Variants in ZHX1 observed in about 807,000 individuals in gnomAD.
ZHX1 encodes zinc fingers and homeoboxes 1, also known as zinc fingers and homeoboxes protein 1.
In ZHX1, 20 loss-of-function variants were observed where a neutral mutation model predicts 61.8. The ratio of observed to expected loss-of-function variants is 0.32; its 90% CI spans 0.23 to 0.47. The LOEUF is 0.47. ZHX1 is among the 20% of genes least tolerant of loss of function. The pLI is 1.00. For missense variants in ZHX1, 800 were observed against 1,034.8 expected (o/e 0.77, Z 3.11); for synonymous variants, 318 against 352.6 (o/e 0.90, Z 1.10).
At chr8:123,256,726 T>C (rs1333519532) in intron 2 of ZHX1, among the ~76,000 whole-genome samples, 1 of 148,928 alleles carries the variant, frequency 6.7e-6, no homozygotes, top group Non-Finnish European at 1.5e-5. Context: ...ATCATGCCAC[T>C]ACATTCCAAC....
At chr8:123,272,760 A>C (rs1395535912) in intron 1 of ZHX1, among the ~76,000 whole-genome samples, 1 of 151,950 alleles carries the variant, frequency 6.6e-6, no homozygotes, top group African/African-American at 2.4e-5. Context: ...ACACACACAC[A>C]CCCCAAACCA....
intron 3 of ZHX1, among the ~76,000 whole-genome samples, chr8:123,250,569 G>A (rs1825890481): frequency 6.6e-6 from 1 of 152,074 alleles, no homozygotes; most frequent in African/African-American, 2.4e-5. Context: ...TATGAGCAGG[G>A]AGTATATATT....
chr8:123,261,742 T>C (rs909225977), intron 2 of ZHX1, among the ~76,000 whole-genome samples: 5 of 152,200 alleles, frequency 3.3e-5, no homozygotes, highest in African/African-American at 9.7e-5. Flanking sequence ...AGGTGCCTAA[T>C]TGATGCTATT....
Position 123,254,002 on chromosome 8 carries a change from G to T in ZHX1, c.1945C>A (p.Pro649Thr). 6.2e-7 allele frequency: 1 copy of T among 1,614,070 alleles called. No individual in the cohort carries two copies. The highest frequency in any genetic ancestry group is 8.5e-7 in the Non-Finnish European group (1 of 1,179,964). ...SSKEEAGETS[P>T]ADESGAPKSG... is the part of the protein sequence containing the mutation. ...TTAGGTGCACCAGATTCATCTGCAGGAGAAGTTTCTCCAGCTTCTTCTTTG... is the reference window on the plus strand; with the variant it reads ...TTAGGTGCACCAGATTCATCTGCAGTAGAAGTTTCTCCAGCTTCTTCTTTG... Residue 649 changes from proline (P) to threonine (T), a missense_variant, in exon 3 of 4, where the codon CCT (proline) becomes ACT (threonine). Pro to Thr is a conservative substitution (Grantham distance 38). Coordinates refer to ENST00000395571, the MANE Select transcript of ZHX1 (RefSeq NM_007222.5). This position sits in a 1 kb window ranked among gnomAD's most constrained non-coding sequence, Gnocchi z 4.1.
At chr8:123,250,368 T>C (rs1398915119) in intron 3 of ZHX1, 48 bp from the exon 4 acceptor site, 14 of 370,886 alleles carry the variant, frequency 3.8e-5, no homozygotes, top group Non-Finnish European at 2.1e-5. Context: ...AAGAAAACCA[T>C]ATTTTAATTT....
chr8:123,265,728 A>T (rs977297927), intron 2 of ZHX1, among the ~76,000 whole-genome samples: 1 of 152,236 alleles, frequency 6.6e-6, no homozygotes, highest in African/African-American at 2.4e-5. Context: ...GATAAGTCTC[A>T]AGAAAACTGT....
At position 123,255,841 on chromosome 8, in the gene ZHX1, T is replaced by A; in HGVS notation, c.106A>T (p.Thr36Ser). Residue 36 changes from threonine to serine, a missense_variant, in exon 3 of 4, where the codon ACA (threonine) becomes TCA (serine). Thr to Ser is a moderately conservative substitution (Grantham distance 58). Coordinates refer to ENST00000395571, the MANE Select transcript of ZHX1 (RefSeq NM_007222.5). Reference protein sequence around the residue: ...SDLDEGPPVLTPVENTRAESI... With the variant: ...SDLDEGPPVLSPVENTRAESI... ...TCTGCTCTGGTGTTTTCTACAGGTG[T>A]AAGCACAGGAGGACCTTCATCCAAA... 1 of 1,614,200 alleles carries A rather than the reference T, an allele frequency of 6.2e-7. No individual in the cohort carries two copies. The highest frequency in any genetic ancestry group is 8.5e-7 in the Non-Finnish European group (1 of 1,180,032).
At chr8:123,253,252 A>T in intron 3 of ZHX1, 70 bp downstream of exon 3, 1 of 1,310,868 alleles carries the variant, frequency 7.6e-7, no homozygotes. Flanking sequence ...TGACTGATAC[A>T]ACAAGGTGAC....
Position 123,255,038 on chromosome 8 carries a change from G to A in ZHX1, c.909C>T (p.Tyr303=). Residue 303 remains tyrosine, a synonymous_variant, in exon 3 of 4, where the codon TAC becomes TAT. Coordinates refer to ENST00000395571, the MANE Select transcript of ZHX1 (RefSeq NM_007222.5). ...ACATTGTTGGGTAAGGGAACTTGTTGTAGGTGTTAAGTAAAAGGGGATTGT... is the reference window on the plus strand; with the variant it reads ...ACATTGTTGGGTAAGGGAACTTGTTATAGGTGTTAAGTAAAAGGGGATTGT... ...LDNNPLLLNT[Y]NKFPYPTMSE... 6.2e-7 allele frequency: 1 copy of A among 1,614,154 alleles called. No homozygotes were observed.
chr8:123,252,192 T>C (rs1166367132), intron 3 of ZHX1, among the ~76,000 whole-genome samples: 3 of 152,224 alleles, frequency 2.0e-5, no homozygotes, highest in Non-Finnish European at 2.9e-5. Context: ...CTATTTGGAC[T>C]ACTGACAGAC....
At position 123,272,132 on chromosome 8, in the gene ZHX1, T is replaced by C. The variant is rs7014857; in HGVS notation, c.-340+2085A>G. ...GAACTGTATCTTTAAAACATTTCCA[T>C]TGAAGACGTTAAAGCTCTTTCGAAA... is the stretch of plus-strand genomic sequence containing the variant. On this transcript the variant is annotated intron_variant, in intron 1 of 3. Coordinates refer to ENST00000395571, the MANE Select transcript of ZHX1 (RefSeq NM_007222.5). 5.6e-3 allele frequency among the ~76,000 whole-genome samples: 854 copies of C among 152,376 alleles called. 4 individuals are homozygous for C. The highest frequency in any genetic ancestry group is 0.02 in the African/African-American group (813 of 41,592).
chr8:123,254,343 G>A lies in ZHX1; in HGVS notation c.1604C>T (p.Ser535Phe). ...ACTGGAGTCTATAATAATGGTGGTA[G>A]AGGAATCATTGTTGAGATGTAAGCA... Reference protein sequence around the residue: ...NQCLHLNNDSSTTIIIDSSDE... With the variant: ...NQCLHLNNDSFTTIIIDSSDE... The change falls in exon 3 of 4, where the codon TCT (serine) becomes TTT (phenylalanine). Residue 535 changes from serine to phenylalanine, a missense_variant. Coordinates refer to ENST00000395571, the MANE Select transcript of ZHX1 (RefSeq NM_007222.5). This position sits in a 1 kb window ranked among gnomAD's most constrained non-coding sequence, Gnocchi z 4.1. 1 of 1,614,156 alleles carries A rather than the reference G, an allele frequency of 6.2e-7. No homozygotes were observed. Among genetic ancestry groups the A allele is most frequent in the Non-Finnish European group, 8.5e-7 (1 of 1,180,008 alleles).
intron 1 of ZHX1, among the ~76,000 whole-genome samples, chr8:123,271,750 C>T (rs1336663425): frequency 1.3e-5 from 2 of 151,808 alleles, no homozygotes; most frequent in Admixed American, 1.3e-4. Flanking sequence ...CTATTAATTT[C>T]GCTAATAACT....
At position 123,250,012 on chromosome 8, in the gene ZHX1, C is replaced by A; in HGVS notation, c.*312G>T. On this transcript the variant is annotated 3_prime_UTR_variant, in exon 4 of 4. Coordinates refer to ENST00000395571, the MANE Select transcript of ZHX1 (RefSeq NM_007222.5). ...AGGACAAGCTCTAGTGGTCATTAAACCCCCTCAGAAAGTCTAAGATTCAGA... is the reference window on the plus strand; with the variant it reads ...AGGACAAGCTCTAGTGGTCATTAAAACCCCTCAGAAAGTCTAAGATTCAGA... 1 of 309,266 alleles carries A rather than the reference C, an allele frequency of 3.2e-6. No individual in the cohort carries two copies. Among genetic ancestry groups the A allele is most frequent in the South Asian group, 2.7e-5 (1 of 37,480 alleles). The allele number at this position is 309,266 out of a possible 1,614,324, so 19.2% of individuals were successfully genotyped here.
chr8:123,260,447 AAGTT>A (rs1187377576), intron 2 of ZHX1, among the ~76,000 whole-genome samples: 1 of 150,426 alleles, frequency 6.6e-6, no homozygotes, highest in Non-Finnish European at 1.5e-5. Context: ...AAAAATATAA[AAGTT>A]AGCCGGGCGT....
upstream of ZHX1, chr8:123,274,619 T>G (rs1346884073): frequency 7.1e-6 from 1 of 140,156 alleles, no homozygotes; most frequent in African/African-American, 2.7e-5. Flanking sequence ...CCCGCCCCCC[T>G]GTCAACAGAA....
chr8:123,271,520 T>G (rs1327445745), intron 1 of ZHX1, among the ~76,000 whole-genome samples: 1 of 152,126 alleles, frequency 6.6e-6, no homozygotes, highest in Admixed American at 6.5e-5. Context: ...AATAAAAGGG[T>G]TATTTCCTCA....
intron 2 of ZHX1, among the ~76,000 whole-genome samples, chr8:123,259,715 T>A (rs1438198946): frequency 2.0e-5 from 3 of 152,182 alleles, no homozygotes; most frequent in Non-Finnish European, 4.4e-5. Flanking sequence ...GAGACTATAT[T>A]TAATTGGGGT....
chr8:123,255,703 G>A lies in ZHX1; in HGVS notation c.244C>T (p.Leu82=), dbSNP rs138403319. ...CKYCTFQTPD[L]NMFTFHVDSE... Reference sequence around the variant, plus strand: ...TCCACATGAAAAGTAAACATATTTAGATCTGGAGTTTGAAAAGTACAATAT... The same window carrying A: ...TCCACATGAAAAGTAAACATATTTAAATCTGGAGTTTGAAAAGTACAATAT... The change falls in exon 3 of 4, where the codon CTA becomes TTA. Residue 82 remains leucine (L), a synonymous_variant. Coordinates refer to ENST00000395571, the MANE Select transcript of ZHX1 (RefSeq NM_007222.5). 1.9e-6 allele frequency: 3 copies of A among 1,613,624 alleles called. No individual in the cohort carries two copies. In the African/African-American group the frequency reaches 4.0e-5, roughly 22 times the overall value.
Sources: gnomAD v4.1 joint callset for allele counts (sites outside exome capture counted in the v4.1 genomes callset) on GRCh38, gnomAD v4.1.1 for gene constraint, Gnocchi (gnomAD v3.1) non-coding constraint, MANE v1.5 for transcripts, NCBI Gene and HGNC (gene_info 2026-07-23, HGNC 2026-07-21) for gene names.